Variants in MAF observed in about 807,000 individuals in gnomAD.
MAF encodes transcription factor Maf.
MAF carries 10 observed loss-of-function variants against 22.0 expected under a neutral mutation model. The observed-to-expected ratio is 0.45, with a 90% CI of 0.28 to 0.77. The LOEUF is 0.77. Ranked by LOEUF, MAF falls within the 30% of genes least tolerant of loss-of-function variation. MAF has a pLI of 0.12. For synonymous variants in MAF, 337 were observed against 255.8 expected, an observed-to-expected ratio of 1.32 and a Z score of -3.03; for missense variants, 544 against 548.4, an observed-to-expected ratio of 0.99 and a Z score of 0.08.
the MAF span, among the ~76,000 whole-genome samples, chr16:79,405,078 A>T: frequency 6.6e-6 from 1 of 152,132 alleles, no homozygotes; most frequent in South Asian, 2.1e-4. Context: ...AGCGTGGGTG[A>T]CACTTTGGAC....
the MAF span, among the ~76,000 whole-genome samples, chr16:79,271,073 A>AC: frequency 4.3e-5 from 4 of 92,590 alleles, no homozygotes; most frequent in African/African-American, 1.9e-4. Flanking sequence ...GCTTTCTGGC[A>AC]TTTTTTTTTA....
chr16:79,459,375 C>G, the MAF span, among the ~76,000 whole-genome samples: 1 of 152,162 alleles, frequency 6.6e-6, no homozygotes, highest in Non-Finnish European at 1.5e-5. Context: ...ATTAAAAATG[C>G]TGCCCTTGTG....
chr16:79,406,469 G>C, the MAF span, among the ~76,000 whole-genome samples: 7 of 152,286 alleles, frequency 4.6e-5, no homozygotes, highest in East Asian at 1.4e-3. Context: ...ATTTAGGCTG[G>C]CTTCCGGGTT....
At chr16:79,220,929 A>T in the MAF span, among the ~76,000 whole-genome samples, 1 of 152,234 alleles carries the variant, frequency 6.6e-6, no homozygotes, top group Admixed American at 6.5e-5. Context: ...ATGCCATTAA[A>T]GTTCCTGGGT....
chr16:79,493,765 A>G, the MAF span, among the ~76,000 whole-genome samples: 3 of 152,156 alleles, frequency 2.0e-5, no homozygotes, highest in Non-Finnish European at 4.4e-5. Flanking sequence ...TCATGAAAAC[A>G]TTTTCTTTGC....
chr16:79,451,810 C>A, the MAF span, among the ~76,000 whole-genome samples: 192 of 152,314 alleles, frequency 1.3e-3, 1 homozygote, highest in African/African-American at 4.4e-3. Flanking sequence ...TGCTTCTAGA[C>A]TTTTGCTATG....
At chr16:79,207,575 A>G in the MAF span, among the ~76,000 whole-genome samples, 13 of 152,314 alleles carry the variant, frequency 8.5e-5, no homozygotes, top group East Asian at 1.9e-4. Context: ...CTCTCTCACA[A>G]TCATTGAATA....
the MAF span, among the ~76,000 whole-genome samples, chr16:79,239,621 T>A: frequency 6.6e-6 from 1 of 152,034 alleles, no homozygotes; most frequent in African/African-American, 2.4e-5. Flanking sequence ...AACCCCTAGA[T>A]GCTAATGGTT....
chr16:79,353,775 C>T, the MAF span, among the ~76,000 whole-genome samples: 12 of 152,122 alleles, frequency 7.9e-5, no homozygotes, highest in Admixed American at 5.2e-4. Flanking sequence ...ATCTTTTAGA[C>T]GATGGTCCTC....
the MAF span, among the ~76,000 whole-genome samples, chr16:79,523,608 A>G: frequency 2.7e-4 from 41 of 152,224 alleles, no homozygotes; most frequent in African/African-American, 9.9e-4. Context: ...AAGACAGATG[A>G]GTACACGAAG....
chr16:79,499,832 C>T, the MAF span, among the ~76,000 whole-genome samples: 1 of 152,208 alleles, frequency 6.6e-6, no homozygotes, highest in Non-Finnish European at 1.5e-5. Flanking sequence ...AAACATATGT[C>T]CATGTCCTAA....
At chr16:79,458,016 T>C in the MAF span, among the ~76,000 whole-genome samples, 1 of 151,560 alleles carries the variant, frequency 6.6e-6, no homozygotes, top group African/African-American at 2.4e-5. Context: ...TTAGAGATAT[T>C]TTTTTTTCAA....
the MAF span, among the ~76,000 whole-genome samples, chr16:79,297,479 A>C: frequency 4.6e-5 from 7 of 152,178 alleles, no homozygotes; most frequent in Non-Finnish European, 8.8e-5. Flanking sequence ...GTGAACGAGG[A>C]AGTAGCATCC....
chr16:79,245,347 C>T, the MAF span, among the ~76,000 whole-genome samples: 1 of 151,856 alleles, frequency 6.6e-6, no homozygotes, highest in South Asian at 2.1e-4. Context: ...CTGGAATCTA[C>T]AGATAACTTA....
At chr16:79,481,371 C>T in the MAF span, among the ~76,000 whole-genome samples, 2 of 152,000 alleles carry the variant, frequency 1.3e-5, no homozygotes, top group Non-Finnish European at 2.9e-5. Context: ...AAATTTAGAA[C>T]ATTTTTACCA....
chr16:79,523,399 G>A, the MAF span, among the ~76,000 whole-genome samples: 1 of 152,208 alleles, frequency 6.6e-6, no homozygotes, highest in African/African-American at 2.4e-5. Flanking sequence ...TTATGTTGAA[G>A]CTCTAGAAGT....
At chr16:79,222,631 C>A in the MAF span, among the ~76,000 whole-genome samples, 4 of 152,218 alleles carry the variant, frequency 2.6e-5, no homozygotes, top group South Asian at 8.3e-4. Flanking sequence ...TCAGGAAACC[C>A]ATCTCACGTG....
the MAF span, among the ~76,000 whole-genome samples, chr16:79,360,452 G>C: frequency 3.4e-4 from 52 of 152,320 alleles, no homozygotes; most frequent in Non-Finnish European, 6.8e-4. Flanking sequence ...TCATGTGGCT[G>C]TGTGCCAGTG....
At chr16:79,292,722 C>T in the MAF span, among the ~76,000 whole-genome samples, 1 of 152,104 alleles carries the variant, frequency 6.6e-6, no homozygotes, top group East Asian at 1.9e-4. Context: ...ATACAGGGTA[C>T]AAAGACCTTG....
Sources: gnomAD v4.1 joint callset for allele counts (sites outside exome capture counted in the v4.1 genomes callset) on GRCh38, gnomAD v4.1.1 for gene constraint, MANE v1.5 for transcripts, NCBI Gene and HGNC (gene_info 2026-07-23, HGNC 2026-07-21) for gene names.